Variants in CHRNA6 observed in about 807,000 individuals in gnomAD.
CHRNA6 encodes cholinergic receptor nicotinic alpha 6 subunit.
CHRNA6 carries 31 observed loss-of-function variants against 40.9 expected under a neutral mutation model. That is an observed-to-expected ratio of 0.76 (90% CI 0.57 to 1.02). The LOEUF (loss-of-function observed/expected upper bound fraction) is 1.02, where lower values mean the gene tolerates loss of function less well. Ranked by LOEUF, CHRNA6 falls within the 50% of genes least tolerant of loss-of-function variation. The pLI is 0.00. For synonymous variants in CHRNA6, 222 were observed against 221.3 expected, an observed-to-expected ratio of 1.00 and a Z score of -0.03; for missense variants, 546 against 596.6, an observed-to-expected ratio of 0.92 and a Z score of 0.88.
At chr8:42,753,833 C>T (rs1408077630) in intron 5 of CHRNA6, among the ~76,000 whole-genome samples, 1 of 152,112 alleles carries the variant, frequency 6.6e-6, no homozygotes, top group African/African-American at 2.4e-5. Context: ...GCCCTGACTC[C>T]GTGGGTCACC....
At chr8:42,764,946 G>A in intron 2 of CHRNA6, 119 bp downstream of exon 2, 1 of 1,091,980 alleles carries the variant, frequency 9.2e-7, no homozygotes, top group South Asian at 1.6e-5. Flanking sequence ...CCAAATGGAT[G>A]GCTTTGAAGG....
At chr8:42,755,658 C>G (rs952801346) in intron 5 of CHRNA6, among the ~76,000 whole-genome samples, 188 bp downstream of exon 5, 5 of 152,118 alleles carry the variant, frequency 3.3e-5, no homozygotes, top group African/African-American at 1.2e-4. Context: ...TGCACCTGAC[C>G]CCGCTCCACT....
At chr8:42,758,366 T>C (rs1816842506) in intron 3 of CHRNA6, among the ~76,000 whole-genome samples, 2 of 151,968 alleles carry the variant, frequency 1.3e-5, no homozygotes, top group African/African-American at 4.8e-5. Context: ...TTTTTTTGTT[T>C]TGTTTTGTTT....
intron 5 of CHRNA6, 92 bp from the exon 6 acceptor site, chr8:42,753,402 A>G (rs1265315625): frequency 3.2e-6 from 4 of 1,232,970 alleles, no homozygotes; most frequent in Non-Finnish European, 3.5e-6. Flanking sequence ...TCTTTTTTGA[A>G]GAAGATTTCT....
chr8:42,755,580 A>T (rs1816785709), intron 5 of CHRNA6, among the ~76,000 whole-genome samples: 1 of 152,136 alleles, frequency 6.6e-6, no homozygotes, highest in African/African-American at 2.4e-5. Context: ...CCCGGCCCTG[A>T]ATGTTCATTT....
intron 2 of CHRNA6, 82 bp from the exon 3 acceptor site, chr8:42,759,195 G>T (rs942830385): frequency 9.5e-7 from 1 of 1,049,700 alleles, no homozygotes; most frequent in Non-Finnish European, 1.5e-6. Flanking sequence ...CAACTAAAAA[G>T]AACCAAATCT....
intron 5 of CHRNA6, 146 bp downstream of exon 5, chr8:42,755,700 C>G (rs1303691598): frequency 6.5e-6 from 6 of 926,726 alleles, no homozygotes; most frequent in Non-Finnish European, 1.0e-5. Flanking sequence ...CCACCCATAA[C>G]CACATAATAA....
At chr8:42,755,570 C>T (rs1355998904) in intron 5 of CHRNA6, among the ~76,000 whole-genome samples, 1 of 152,218 alleles carries the variant, frequency 6.6e-6, no homozygotes, top group East Asian at 1.9e-4. Flanking sequence ...AGCCACCACG[C>T]CCGGCCCTGA....
At chr8:42,761,645 A>G (rs1388200826) in intron 2 of CHRNA6, among the ~76,000 whole-genome samples, 1 of 152,244 alleles carries the variant, frequency 6.6e-6, no homozygotes, top group Non-Finnish European at 1.5e-5. Context: ...CCTATGGAGC[A>G]GGACCTGTCT....
chr8:42,765,248 C>T, intron 1 of CHRNA6, 44 bp from the exon 2 acceptor site: 1 of 1,603,436 alleles, frequency 6.2e-7, no homozygotes, highest in Non-Finnish European at 8.5e-7. Flanking sequence ...AGCCCGGCCA[C>T]TGGCCACTGC....
intron 1 of CHRNA6, among the ~76,000 whole-genome samples, chr8:42,765,928 A>G (rs1421255343): frequency 1.3e-5 from 2 of 152,242 alleles, no homozygotes; most frequent in Non-Finnish European, 2.9e-5. Flanking sequence ...CAGATGCTGG[A>G]GAGACTATGG....
rs1487112805 is a variant in CHRNA6 at position 42,759,267 on chromosome 8, G to A, written c.220-154C>T. The A allele has an allele frequency of 6.4e-6, 4 of 624,190 alleles. No homozygotes were observed. The East Asian group carries it at 1.1e-4, about 17-fold the overall frequency. 38.7% of individuals were successfully genotyped at this position (624,190 alleles called of 1,614,324 possible). A position where few individuals can be genotyped will look rare whatever the true frequency, so the allele number is the denominator to read the frequency against. On this transcript the variant is annotated intron_variant, in intron 2 of 5. Coordinates refer to ENST00000276410, the MANE Select transcript of CHRNA6 (RefSeq NM_004198.3). ...ATGTGTGAAAGCATTCAGCATGCAAGCAGAAATGCCGCATTTTCACATCTG... is the reference window on the plus strand; with the variant it reads ...ATGTGTGAAAGCATTCAGCATGCAAACAGAAATGCCGCATTTTCACATCTG...
intron 5 of CHRNA6, among the ~76,000 whole-genome samples, chr8:42,754,891 G>A (rs972739149): frequency 1.2e-4 from 19 of 152,126 alleles, no homozygotes; most frequent in Admixed American, 8.5e-4. Flanking sequence ...GACAAGTGGG[G>A]CCAGAGCTGC....
chr8:42,759,541 T>C (rs1816864638), intron 2 of CHRNA6: 1 of 162,352 alleles, frequency 6.2e-6, no homozygotes, highest in African/African-American at 2.4e-5. Flanking sequence ...TCCTCGACTG[T>C]GCCTCAGGGC....
chr8:42,759,810 G>A (rs577898123), intron 2 of CHRNA6, among the ~76,000 whole-genome samples: 36 of 151,470 alleles, frequency 2.4e-4, no homozygotes, highest in African/African-American at 7.8e-4. Flanking sequence ...TGAGGCAGGA[G>A]AATTGCTTGA....
At chr8:42,765,953 T>C (rs1816970216) in intron 1 of CHRNA6, among the ~76,000 whole-genome samples, 1 of 152,236 alleles carries the variant, frequency 6.6e-6, no homozygotes, top group Admixed American at 6.5e-5. Flanking sequence ...ATAGGAATGC[T>C]TTTACACTGT....
chr8:42,755,803 G>A (rs1409313077), intron 5 of CHRNA6, 43 bp downstream of exon 5: 3 of 1,579,016 alleles, frequency 1.9e-6, no homozygotes, highest in Non-Finnish European at 2.6e-6. Flanking sequence ...CCCATAGGCT[G>A]CAAAGGGTGC....
intron 2 of CHRNA6, among the ~76,000 whole-genome samples, chr8:42,762,418 G>A (rs978348393): frequency 2.0e-5 from 3 of 152,148 alleles, no homozygotes; most frequent in East Asian, 1.9e-4. Flanking sequence ...AGAGGCCAAG[G>A]TGGGCAGATC....
chr8:42,759,773 G>A (rs764582840), intron 2 of CHRNA6, among the ~76,000 whole-genome samples: 10 of 151,964 alleles, frequency 6.6e-5, no homozygotes, highest in Non-Finnish European at 1.2e-4. Flanking sequence ...GGTGGCGGGC[G>A]CCTGTAATCC....
Sources: allele counts gnomAD v4.1 joint callset (sites outside exome capture counted in the v4.1 genomes callset), GRCh38; gene constraint gnomAD v4.1.1; transcripts MANE v1.5; gene names NCBI Gene and HGNC (gene_info 2026-07-23, HGNC 2026-07-21).